The following CNTNAP2 variants were observed in gnomAD, a reference collection of about 807,000 sequenced individuals.
CNTNAP2 encodes contactin-associated protein-like 2.
CNTNAP2 carries 98 observed loss-of-function variants against 155.2 expected under a neutral mutation model. The ratio of observed to expected loss-of-function variants is 0.63; its 90% CI spans 0.54 to 0.75. The LOEUF is 0.75. Among genes scored for constraint, CNTNAP2 ranks in the 30% least tolerant of loss-of-function variants. CNTNAP2 has a pLI of 0.00. For missense variants in CNTNAP2, 1,727 were observed against 1,688.1 expected (o/e 1.02, Z -0.40); for synonymous variants, 651 against 631.2 (o/e 1.03, Z -0.47).
At chr7:147,433,472 C>T (rs1187500724) in intron 10 of CNTNAP2, among the ~76,000 whole-genome samples, 1 of 152,214 alleles carries the variant, frequency 6.6e-6, no homozygotes, top group African/African-American at 2.4e-5. Context: ...GCAGGGCACT[C>T]TGGGACAACT....
intron 1 of CNTNAP2, among the ~76,000 whole-genome samples, chr7:146,398,796 A>G (rs1386852260): frequency 6.6e-6 from 1 of 152,078 alleles, no homozygotes; most frequent in Non-Finnish European, 1.5e-5. Flanking sequence ...GGCCTGTAAA[A>G]GTTTAAGGCC....
intron 1 of CNTNAP2, among the ~76,000 whole-genome samples, chr7:146,692,816 T>C (rs947247363): frequency 6.6e-6 from 1 of 152,104 alleles, no homozygotes; most frequent in Non-Finnish European, 1.5e-5. Flanking sequence ...CAGGAAGTGA[T>C]TGCTATTATG....
chr7:147,407,397 G>A (rs912738910), intron 10 of CNTNAP2, among the ~76,000 whole-genome samples: 3 of 149,112 alleles, frequency 2.0e-5, no homozygotes, highest in Non-Finnish European at 4.4e-5. Flanking sequence ...GAACCCGGGA[G>A]GTGGAGGTTG....
At chr7:148,038,019 A>T (rs1332166396) in intron 15 of CNTNAP2, among the ~76,000 whole-genome samples, 1 of 152,174 alleles carries the variant, frequency 6.6e-6, no homozygotes, top group Non-Finnish European at 1.5e-5. Flanking sequence ...TAAGGGGGAA[A>T]CTACTGTACA....
At chr7:146,883,107 A>C (rs111482472) in intron 3 of CNTNAP2, among the ~76,000 whole-genome samples, 56 of 152,204 alleles carry the variant, frequency 3.7e-4, no homozygotes, top group Non-Finnish European at 7.1e-4. Context: ...CGTAACTGTA[A>C]ATTTGTTTTA....
chr7:146,875,679 G>GC (rs949975104), intron 3 of CNTNAP2, among the ~76,000 whole-genome samples: 17 of 151,378 alleles, frequency 1.1e-4, no homozygotes, highest in Non-Finnish European at 2.5e-4. Context: ...TTTGGCGGGG[G>GC]GGCAAAGCCA....
intron 1 of CNTNAP2, among the ~76,000 whole-genome samples, chr7:146,615,860 A>G (rs928991307): frequency 6.6e-6 from 1 of 152,198 alleles, no homozygotes; most frequent in African/African-American, 2.4e-5. Context: ...TCTGCTCAAC[A>G]TCTCAACATC....
In CNTNAP2 at chr7:146,345,977, A is replaced by G. The variant is rs189002780; in HGVS notation, c.97+229004A>G. On this transcript the variant is annotated intron_variant, in intron 1 of 23. Transcript: ENST00000361727. Reference sequence around the variant, plus strand: ...ATACATATTTATTGAGTGCTTATTAAGACCTCCGCAAAGCTCTGCCTCTGT... The same window carrying G: ...ATACATATTTATTGAGTGCTTATTAGGACCTCCGCAAAGCTCTGCCTCTGT... Among the ~76,000 whole-genome samples the G allele has an allele frequency of 3.9e-5, 6 of 152,308 alleles. No individual in the cohort carries two copies. In the East Asian group the frequency reaches 1.2e-3, roughly 29 times the overall value.
At chr7:147,181,885 G>C (rs577066608) in intron 8 of CNTNAP2, among the ~76,000 whole-genome samples, 103 of 152,160 alleles carry the variant, frequency 6.8e-4, no homozygotes, top group African/African-American at 2.3e-3. Flanking sequence ...CCAGCACTTT[G>C]GGAGGCCGAG....
chr7:146,695,517 T>C (rs947831767), intron 1 of CNTNAP2, among the ~76,000 whole-genome samples: 16 of 152,028 alleles, frequency 1.1e-4, no homozygotes, highest in Admixed American at 9.2e-4. Flanking sequence ...CTGGCTCAGG[T>C]GATTCTCCCA....
intron 12 of CNTNAP2, among the ~76,000 whole-genome samples, chr7:147,602,703 T>A (rs932178259): frequency 1.3e-5 from 2 of 150,558 alleles, no homozygotes; most frequent in African/African-American, 4.9e-5. Context: ...TGTATTCTCA[T>A]TGTTCAATTC....
intron 21 of CNTNAP2, among the ~76,000 whole-genome samples, chr7:148,379,626 T>C (rs924787126): frequency 2.6e-5 from 4 of 152,154 alleles, no homozygotes; most frequent in African/African-American, 9.7e-5. Context: ...GGTGGGAGGA[T>C]TGCTTGAGCC....
chr7:146,268,870 C>G (rs1253448895), intron 1 of CNTNAP2, among the ~76,000 whole-genome samples: 1 of 152,174 alleles, frequency 6.6e-6, no homozygotes, highest in African/African-American at 2.4e-5. Context: ...CAACATACAC[C>G]TGTGTTTTGA....
intron 10 of CNTNAP2, among the ~76,000 whole-genome samples, chr7:147,456,347 A>T (rs896441721): frequency 2.0e-5 from 3 of 152,190 alleles, no homozygotes; most frequent in Non-Finnish European, 4.4e-5. Flanking sequence ...ACTGAAAAGT[A>T]TCAATGAAAC....
At chr7:146,154,420 A>C (rs1489963977) in intron 1 of CNTNAP2, among the ~76,000 whole-genome samples, 1 of 152,192 alleles carries the variant, frequency 6.6e-6, no homozygotes, top group Non-Finnish European at 1.5e-5. Context: ...CAGAACAAAT[A>C]CTTCAGTAAA....
chr7:147,968,665 C>T (rs1801270779), intron 14 of CNTNAP2, among the ~76,000 whole-genome samples: 1 of 152,144 alleles, frequency 6.6e-6, no homozygotes, highest in African/African-American at 2.4e-5. Flanking sequence ...CGTAAAGGAA[C>T]TGGCAAACTC....
intron 4 of CNTNAP2, among the ~76,000 whole-genome samples, chr7:147,058,901 G>A (rs756559293): frequency 8.5e-5 from 13 of 152,118 alleles, no homozygotes; most frequent in African/African-American, 2.7e-4. Context: ...CACCATTCCC[G>A]TCCCTCAAAG....
intron 1 of CNTNAP2, among the ~76,000 whole-genome samples, chr7:146,430,097 G>C (rs564728184): frequency 6.6e-6 from 1 of 151,936 alleles, no homozygotes; most frequent in African/African-American, 2.4e-5. Flanking sequence ...GATAAGATTT[G>C]ATGTGCTGCT....
intron 14 of CNTNAP2, among the ~76,000 whole-genome samples, chr7:147,926,186 G>A (rs573335744): frequency 4.5e-4 from 68 of 152,210 alleles, no homozygotes; most frequent in African/African-American, 1.5e-3. Flanking sequence ...AATGGAGCAT[G>A]TCTGGGCAAA....
Sources: gnomAD v4.1 joint callset for allele counts (sites outside exome capture counted in the v4.1 genomes callset) on GRCh38, gnomAD v4.1.1 for gene constraint, MANE v1.5 for transcripts, NCBI Gene and HGNC (gene_info 2026-07-23, HGNC 2026-07-21) for gene names.